Variants in ENTPD5 observed in about 807,000 individuals in gnomAD.
ENTPD5 encodes nucleoside diphosphate phosphatase ENTPD5.
In ENTPD5, 49 loss-of-function variants were observed where a neutral mutation model predicts 60.2. The observed-to-expected ratio is 0.81, with a 90% CI of 0.65 to 1.03. The LOEUF (loss-of-function observed/expected upper bound fraction) is 1.03, where lower values mean the gene tolerates loss of function less well. ENTPD5 is among the 50% of genes least tolerant of loss of function. The pLI is 0.00. For missense variants in ENTPD5, 480 were observed against 507.6 expected (o/e 0.95, Z 0.52); for synonymous variants, 187 against 185.4 (o/e 1.01, Z -0.07).
intron 15 of ENTPD5, among the ~76,000 whole-genome samples, 187 bp downstream of exon 15, chr14:73,969,823 G>A (rs190421688): frequency 6.6e-6 from 1 of 152,204 alleles, no homozygotes; most frequent in Admixed American, 6.5e-5. Context: ...TAATACACTC[G>A]GAGGCTACCA....
intron 1 of ENTPD5, chr14:74,018,625 G>A (rs1347950636): frequency 3.3e-5 from 5 of 152,262 alleles, no homozygotes; most frequent in Admixed American, 6.5e-5. Context: ...GAAGGCTGCG[G>A]ACCGGTATTA....
At position 73,964,251 on chromosome 14, in the gene ENTPD5, T is replaced by C. The variant is rs1477662575; in HGVS notation, c.*2677A>G. On this transcript the variant is annotated 3_prime_UTR_variant, in exon 16 of 16. Coordinates refer to ENST00000334696, the MANE Select transcript of ENTPD5 (RefSeq NM_001249.5). ...ACACCATCTGTCACGTACCAGGCCA[T>C]GTCCTAAGTATTTTAAATATGTTAA... 6.6e-6 allele frequency: 1 copy of C among 152,228 alleles called. No homozygotes were observed. Among genetic ancestry groups the C allele is most frequent in the Non-Finnish European group, 1.5e-5 (1 of 68,038 alleles). The allele number at this position is 152,228 out of a possible 1,614,324, so 9.4% of individuals were successfully genotyped here.
intron 15 of ENTPD5, 39 bp from the exon 16 acceptor site, chr14:73,967,053 T>C (rs762189385): frequency 4.5e-6 from 7 of 1,553,812 alleles, no homozygotes; most frequent in South Asian, 1.1e-5. Context: ...TTTCATCCAG[T>C]TTCCAACTCT....
At chr14:73,976,176 T>G (rs2057435777) in intron 9 of ENTPD5, 148 bp downstream of exon 9, 1 of 813,412 alleles carries the variant, frequency 1.2e-6, no homozygotes, top group Non-Finnish European at 2.0e-6. Context: ...AACAGTGAGA[T>G]GGCAAGGGAA....
chr14:73,961,950 C>T (rs754156967), downstream of ENTPD5: 12 of 1,607,232 alleles, frequency 7.5e-6, no homozygotes, highest in Admixed American at 1.7e-5. Context: ...CTCTTAATTT[C>T]TTTTGCTTTT....
intron 3 of ENTPD5, among the ~76,000 whole-genome samples, chr14:73,990,431 CTCAAGTGA>C (rs1367805224): frequency 6.6e-6 from 1 of 151,860 alleles, no homozygotes; most frequent in Non-Finnish European, 1.5e-5. Flanking sequence ...ACCTCCCGGG[CTCAAGTGA>C]TCCTTCCTCC....
intron 3 of ENTPD5, among the ~76,000 whole-genome samples, chr14:73,999,173 A>T (rs2058428063): frequency 6.6e-6 from 1 of 152,150 alleles, no homozygotes; most frequent in Non-Finnish European, 1.5e-5. Context: ...AAATAACCGT[A>T]ACTTTTTAAA....
chr14:73,971,667 C>T (rs975673594), intron 14 of ENTPD5, among the ~76,000 whole-genome samples, 185 bp downstream of exon 14: 6 of 152,096 alleles, frequency 3.9e-5, no homozygotes, highest in African/African-American at 1.4e-4. Context: ...ACTACAGATG[C>T]GTGCCACCAT....
chr14:73,993,251 T>A lies in ENTPD5; in HGVS notation c.-70-5079A>T, dbSNP rs562796921. ...ACTTGGGAAGCTGGAGGTGGGAGGA[T>A]CTCTGGATCCCGGGAAGTTGAGGTT... On this transcript the variant is annotated intron_variant, in intron 3 of 15. Transcript: ENST00000334696. 1.3e-3 allele frequency among the ~76,000 whole-genome samples: 192 copies of A among 152,226 alleles called. 1 individual carries two copies. The highest frequency in any genetic ancestry group is 4.5e-3 in the African/African-American group (185 of 41,536).
chr14:73,961,728 G>A (rs982199566), downstream of ENTPD5: 6 of 1,613,982 alleles, frequency 3.7e-6, no homozygotes, highest in Admixed American at 5.0e-5. Flanking sequence ...TCTTTCCTCT[G>A]CCCTTCAGGT....
intron 2 of ENTPD5, among the ~76,000 whole-genome samples, chr14:74,014,242 T>A (rs188413938): frequency 6.6e-6 from 1 of 152,268 alleles, no homozygotes; most frequent in East Asian, 1.9e-4. Context: ...AAGTTCAGCC[T>A]GGACAACATA....
downstream of ENTPD5, chr14:73,960,225 A>G: frequency 1.0e-6 from 1 of 987,270 alleles, no homozygotes; most frequent in Non-Finnish European, 1.2e-6. Context: ...CTTAGTAGAT[A>G]GATGTGGGTT....
At chr14:73,963,018 AAGAT>A (rs1306004964), downstream of ENTPD5, 1 of 1,591,616 alleles carries the variant, frequency 6.3e-7, no homozygotes, top group Admixed American at 1.7e-5. Context: ...CTCCTAAAGA[AAGAT>A]TACGTTGATG....
downstream of ENTPD5, chr14:73,959,371 G>A (rs200907223): frequency 3.7e-6 from 6 of 1,614,164 alleles, no homozygotes; most frequent in East Asian, 1.3e-4. Flanking sequence ...GTTTCCAAGT[G>A]CAGCAGAGTC....
intron 2 of ENTPD5, among the ~76,000 whole-genome samples, chr14:74,014,822 G>A (rs531058505): frequency 7.2e-4 from 110 of 152,280 alleles, no homozygotes; most frequent in African/African-American, 2.6e-3. Flanking sequence ...GCTCAAGCCT[G>A]TAATCTCAGC....
chr14:73,974,418 T>C (rs1268793158), intron 11 of ENTPD5, among the ~76,000 whole-genome samples: 1 of 152,224 alleles, frequency 6.6e-6, no homozygotes, highest in African/African-American at 2.4e-5. Flanking sequence ...AACAGATTAC[T>C]GTACAAAGTG....
chr14:73,978,820 G>T (rs1474711847), intron 6 of ENTPD5, among the ~76,000 whole-genome samples: 1 of 151,442 alleles, frequency 6.6e-6, no homozygotes, highest in Non-Finnish European at 1.5e-5. Flanking sequence ...TGAGGCAGAA[G>T]AATCACTTGA....
chr14:73,978,687 G>C (rs11159051), intron 6 of ENTPD5, among the ~76,000 whole-genome samples: 47,844 of 151,764 alleles, frequency 0.32, 9,102 homozygotes, highest in Non-Finnish European at 0.42. Context: ...AGTGCGGGCG[G>C]ATCACCTGAA....
intron 6 of ENTPD5, among the ~76,000 whole-genome samples, chr14:73,982,219 C>T (rs531140616): frequency 3.9e-5 from 6 of 152,016 alleles, no homozygotes; most frequent in East Asian, 3.9e-4. Context: ...GGACTACAGG[C>T]GTGCGCCACA....
Sources: allele counts gnomAD v4.1 joint callset (sites outside exome capture counted in the v4.1 genomes callset), GRCh38; gene constraint gnomAD v4.1.1; transcripts MANE v1.5; gene names NCBI Gene and HGNC (gene_info 2026-07-23, HGNC 2026-07-21).